MTMR10: variants seen among roughly 807,000 people sequenced by gnomAD.
MTMR10 encodes the protein myotubularin-related protein 10.
In MTMR10, 56 loss-of-function variants were observed where a neutral mutation model predicts 88.1. That is an observed-to-expected ratio of 0.64 (90% CI 0.51 to 0.79). The LOEUF is 0.79. Among genes scored for constraint, MTMR10 ranks in the 30% least tolerant of loss-of-function variants. The probability of loss-of-function intolerance (pLI) is 0.00; values close to 1 mark genes in which losing one functional copy is unlikely to be tolerated. For missense variants in MTMR10, 883 were observed against 924.7 expected (o/e 0.95, Z 0.58); for synonymous variants, 380 against 340.9 (o/e 1.11, Z -1.26).
chr15:30,967,163 A>T (rs768510497), intron 6 of MTMR10, among the ~76,000 whole-genome samples: 1 of 152,212 alleles, frequency 6.6e-6, no homozygotes, highest in Non-Finnish European at 1.5e-5. Context: ...CTTAAATAAA[A>T]GAACACAGGC....
At position 30,942,952 on chromosome 15, in the gene MTMR10, A is replaced by G; in HGVS notation, c.1669T>C (p.Tyr557His). The G allele has an allele frequency of 6.4e-7, 1 of 1,563,258 alleles. No individual in the cohort carries two copies. Among genetic ancestry groups the G allele is most frequent in the South Asian group, 1.2e-5 (1 of 84,946 alleles). ...KDRTLFHNPF[Y>H]IGKSTPCIQN... is the part of the protein sequence containing the mutation. ...ATACAAGGTGTGCTCTTTCCAATGTAGAAGGGGTTATGGAAAAGGGTGCGA... is the reference window on the plus strand; with the variant it reads ...ATACAAGGTGTGCTCTTTCCAATGTGGAAGGGGTTATGGAAAAGGGTGCGA... The change falls in exon 15 of 16, where the codon TAC becomes CAC. Residue 557 changes from tyrosine to histidine, a missense_variant. Around this residue, in one of 3 missense-constraint regions of MTMR10, gnomAD observed 343 missense variants for 323.2 expected, o/e 1.06. Transcript: ENST00000435680.
chr15:30,953,956 T>G (rs1488922436), intron 10 of MTMR10, among the ~76,000 whole-genome samples: 4 of 152,202 alleles, frequency 2.6e-5, no homozygotes, highest in Non-Finnish European at 5.9e-5. Flanking sequence ...TCCTGACCTG[T>G]GAGGTCAGCT....
intron 12 of MTMR10, chr15:30,948,764 C>T (rs2063205365): frequency 2.3e-6 from 1 of 443,404 alleles, no homozygotes; most frequent in African/African-American, 2.0e-5. Context: ...TCCGTCTAGA[C>T]TCCATTCTAC....
chr15:30,968,156 A>T, intron 5 of MTMR10, 146 bp from the exon 6 acceptor site: 1 of 537,090 alleles, frequency 1.9e-6, no homozygotes, highest in Non-Finnish European at 3.2e-6. Flanking sequence ...TAGAATATAA[A>T]AGAGCTCCTT....
chr15:30,955,649 G>A (rs183073833), intron 9 of MTMR10, among the ~76,000 whole-genome samples: 3 of 152,092 alleles, frequency 2.0e-5, no homozygotes, highest in African/African-American at 7.2e-5. Context: ...ACTGCCAAGG[G>A]GGGGGCGGGG....
the MTMR10 span, chr15:30,927,108 C>T: frequency 1.9e-5 from 18 of 924,454 alleles, no homozygotes; most frequent in Admixed American, 6.2e-5. Context: ...ACTCTGAAGA[C>T]GGAGGTGGGA....
intron 2 of MTMR10, among the ~76,000 whole-genome samples, chr15:30,979,815 G>A (rs1302210773): frequency 6.6e-6 from 1 of 152,238 alleles, no homozygotes; most frequent in Non-Finnish European, 1.5e-5. Flanking sequence ...AGACAAAGAA[G>A]AGGAGGAGAA....
chr15:30,920,514 A>G, the MTMR10 span: 2 of 1,372,186 alleles, frequency 1.5e-6, no homozygotes, highest in Non-Finnish European at 2.1e-6. Flanking sequence ...TAACCAAATT[A>G]TTAAACTACT....
the MTMR10 span, chr15:30,927,399 G>A: frequency 3.0e-6 from 3 of 985,472 alleles, no homozygotes; most frequent in South Asian, 1.4e-4. Context: ...GGAGTCCTGA[G>A]TGAACCGCTG....
chr15:30,958,696 A>G (rs2063359513), intron 9 of MTMR10, among the ~76,000 whole-genome samples, 167 bp downstream of exon 9: 1 of 152,248 alleles, frequency 6.6e-6, no homozygotes, highest in Non-Finnish European at 1.5e-5. Flanking sequence ...AATGTCAGTT[A>G]ATTTTAATAT....
intron 6 of MTMR10, among the ~76,000 whole-genome samples, chr15:30,962,764 C>G (rs2063419722): frequency 6.6e-6 from 1 of 152,166 alleles, no homozygotes; most frequent in African/African-American, 2.4e-5. Flanking sequence ...GTGATAATCA[C>G]AGAGTACCAG....
intron 2 of MTMR10, among the ~76,000 whole-genome samples, chr15:30,981,487 A>T (rs1382162773): frequency 1.3e-5 from 2 of 152,246 alleles, no homozygotes; most frequent in Non-Finnish European, 2.9e-5. Context: ...ACCTCTGCTT[A>T]ATCAAAAGAA....
intron 2 of MTMR10, among the ~76,000 whole-genome samples, chr15:30,979,641 AAG>A (rs1314433622): frequency 6.6e-6 from 1 of 152,250 alleles, no homozygotes; most frequent in Non-Finnish European, 1.5e-5. Context: ...AACAGGAAGG[AAG>A]AGACAGAGCT....
Position 30,990,772 on chromosome 15 carries a change from T to C in MTMR10, c.121+5A>G. Reference sequence around the variant, plus strand: ...GTATCTGTTAGAATCCTAACTAATGTTTACCTGGCAAAAGGACTGGCTCCA... The same window carrying C: ...GTATCTGTTAGAATCCTAACTAATGCTTACCTGGCAAAAGGACTGGCTCCA... On this transcript the variant is annotated splice_donor_5th_base_variant and intron_variant, in intron 2 of 15. Transcript: ENST00000435680. 1 of 1,607,890 alleles carries C rather than the reference T, an allele frequency of 6.2e-7. No individual in the cohort carries two copies. Among genetic ancestry groups the C allele is most frequent in the Non-Finnish European group, 8.5e-7 (1 of 1,176,648 alleles).
rs978501302 is a variant in MTMR10, at chr15:30,941,641, G to A, written c.2163C>T (p.Ser721=). The A allele has an allele frequency of 9.3e-6, 15 of 1,609,144 alleles. No homozygotes were observed. Among genetic ancestry groups the A allele is most frequent in the Admixed American group, 3.4e-5 (2 of 58,988 alleles). The change falls in exon 16 of 16, where the codon AGC becomes AGT. Residue 721 remains serine (S), a synonymous_variant. Coordinates refer to ENST00000435680, the MANE Select transcript of MTMR10 (RefSeq NM_017762.3). The part of the protein sequence containing the change: ...LGQSRMYFNA[S]GPHHTDTSGT... ...CCGAGGTGTCGGTGTGGTGAGGGCC[G>A]CTGGCGTTGAAGTACATCCTGCTCT...
chr15:30,974,823 A>G, intron 4 of MTMR10, 108 bp downstream of exon 4: 1 of 775,474 alleles, frequency 1.3e-6, no homozygotes, highest in Non-Finnish European at 1.9e-6. Flanking sequence ...GGCAAAAGTA[A>G]ACTTACAGAA....
At chr15:30,973,882 C>A (rs2029902934) in intron 5 of MTMR10, among the ~76,000 whole-genome samples, 1 of 152,114 alleles carries the variant, frequency 6.6e-6, no homozygotes, top group South Asian at 2.1e-4. Context: ...ATTACTAGGC[C>A]TTTCCCGTAA....
At chr15:30,964,500 T>C (rs937981623) in intron 6 of MTMR10, among the ~76,000 whole-genome samples, 2 of 152,252 alleles carry the variant, frequency 1.3e-5, no homozygotes, top group Non-Finnish European at 2.9e-5. Flanking sequence ...TCCTGTACTT[T>C]TCTAAACAAC....
chr15:30,927,240 A>G, the MTMR10 span: 2 of 985,538 alleles, frequency 2.0e-6, no homozygotes, highest in African/African-American at 1.7e-5. Context: ...TTCAGAAATG[A>G]TCTGGCCTTT....
Sources: gnomAD v4.1 joint callset for allele counts (sites outside exome capture counted in the v4.1 genomes callset) on GRCh38, gnomAD v4.1.1 for gene constraint, gnomAD v4.1.1 regional missense constraint, MANE v1.5 for transcripts, NCBI Gene and HGNC (gene_info 2026-07-23, HGNC 2026-07-21) for gene names.